Variants in ALMS1 observed in about 807,000 individuals in gnomAD.
ALMS1 encodes ALMS1 centrosome and basal body associated protein.
A neutral mutation model predicts 352.2 loss-of-function variants in ALMS1; 271 were observed. The observed-to-expected ratio is 0.77, with a 90% CI of 0.70 to 0.85. The LOEUF (loss-of-function observed/expected upper bound fraction) is 0.85, where lower values mean the gene tolerates loss of function less well. Among genes scored for constraint, ALMS1 ranks in the 40% least tolerant of loss-of-function variants. The pLI is 0.00. For synonymous variants in ALMS1, 1,865 were observed against 1,761.2 expected, an observed-to-expected ratio of 1.06 and a Z score of -1.48; for missense variants, 5,445 against 4,870.7, an observed-to-expected ratio of 1.12 and a Z score of -3.51.
At chr2:73,465,737 C>T (rs890439636) in intron 9 of ALMS1, among the ~76,000 whole-genome samples, 2 of 151,798 alleles carry the variant, frequency 1.3e-5, no homozygotes, top group South Asian at 2.1e-4. Flanking sequence ...GCAACCTACT[C>T]ATCTGACAAA....
chr2:73,606,757 G>A (rs1309245431), intron 21 of ALMS1, among the ~76,000 whole-genome samples: 1 of 152,142 alleles, frequency 6.6e-6, no homozygotes, highest in Non-Finnish European at 1.5e-5. Flanking sequence ...GGTCACAGCT[G>A]GAGTTAGAGC....
At chr2:73,479,257 A>G (rs1018494246) in intron 9 of ALMS1, among the ~76,000 whole-genome samples, 2 of 152,230 alleles carry the variant, frequency 1.3e-5, no homozygotes, top group African/African-American at 4.8e-5. Flanking sequence ...AACATCTTGC[A>G]TAACTGTGGT....
Position 73,451,239 on chromosome 2 carries a change from A to T in ALMS1, c.4712A>T (p.Tyr1571Phe). The change falls in exon 8 of 23, where the codon TAC becomes TTC. Residue 1571 changes from tyrosine to phenylalanine, a missense_variant. By Grantham distance (22) the Tyr-to-Phe change is conservative. Coordinates refer to ENST00000613296, the MANE Select transcript of ALMS1 (RefSeq NM_001378454.1). ...TGIPTITSTS[Y>F]SFGEKPIVNY... ...ATACCAACCATAACCTCTACTTCCT[A>T]CTCATTTGGAGAGAAGCCGATTGTT... is the stretch of plus-strand genomic sequence containing the variant. 1 of 1,608,230 alleles carries T rather than the reference A, an allele frequency of 6.2e-7. No individual in the cohort carries two copies. Among genetic ancestry groups the T allele is most frequent in the Non-Finnish European group, 8.5e-7 (1 of 1,178,412 alleles).
intron 10 of ALMS1, among the ~76,000 whole-genome samples, chr2:73,517,298 C>T (rs1673580952): frequency 1.6e-5 from 2 of 128,140 alleles, no homozygotes. Context: ...GTTACCCAGG[C>T]TCTGGAGTAC....
At chr2:73,584,793 C>T (rs1051042434) in intron 16 of ALMS1, among the ~76,000 whole-genome samples, 1 of 149,444 alleles carries the variant, frequency 6.7e-6, no homozygotes, top group Non-Finnish European at 1.5e-5. Context: ...TCCCACCCTT[C>T]CCCCCTAAGT....
At chr2:73,481,489 A>G (rs892562098) in intron 9 of ALMS1, among the ~76,000 whole-genome samples, 6,516 of 151,956 alleles carry the variant, frequency 0.043, 349 homozygotes, top group African/African-American at 0.1. Flanking sequence ...GCCTTGTAGT[A>G]TAGTTTGAAG....
At chr2:73,447,400 A>C (rs1671829167) in intron 7 of ALMS1, among the ~76,000 whole-genome samples, 1 of 151,820 alleles carries the variant, frequency 6.6e-6, no homozygotes, top group Non-Finnish European at 1.5e-5. Context: ...TATGTACTTA[A>C]ATATATATAT....
At chr2:73,519,123 A>G (rs1455280151) in intron 10 of ALMS1, among the ~76,000 whole-genome samples, 1 of 151,964 alleles carries the variant, frequency 6.6e-6, no homozygotes, top group Non-Finnish European at 1.5e-5. Flanking sequence ...ATAAGTTACT[A>G]TTTCTTCCTT....
chr2:73,413,924 T>C (rs1671128572), intron 2 of ALMS1, among the ~76,000 whole-genome samples: 1 of 152,210 alleles, frequency 6.6e-6, no homozygotes. Flanking sequence ...TATTACACTC[T>C]TAATAACTGT....
intron 7 of ALMS1, among the ~76,000 whole-genome samples, chr2:73,444,527 A>G (rs1023954852): frequency 4.6e-5 from 7 of 152,242 alleles, no homozygotes; most frequent in Non-Finnish European, 5.9e-5. Flanking sequence ...ACTTAGTGAT[A>G]GCAACAACAA....
chr2:73,441,102 T>C (rs536380916), intron 7 of ALMS1, among the ~76,000 whole-genome samples: 3 of 152,324 alleles, frequency 2.0e-5, no homozygotes, highest in Admixed American at 1.3e-4. Flanking sequence ...GGCCTGCCCC[T>C]GGACCAACTG....
chr2:73,536,442 G>A (rs1414415508), intron 12 of ALMS1, among the ~76,000 whole-genome samples: 1 of 152,072 alleles, frequency 6.6e-6, no homozygotes. Flanking sequence ...GTATGCATCA[G>A]TACGACAAAA....
intron 15 of ALMS1, among the ~76,000 whole-genome samples, chr2:73,570,555 G>C (rs1278828329): frequency 6.6e-6 from 1 of 152,148 alleles, no homozygotes; most frequent in Admixed American, 6.5e-5. Context: ...GCTATGAAGA[G>C]GAGCAGAGAA....
Position 73,602,341 on chromosome 2 carries a change from A to G in ALMS1, c.12271A>G (p.Asn4091Asp). ...TGACAGGGAACGGCAGGGCCACCAG[A>G]ATCGCATGTGCCCGCTGCCCAAGAG... ...NIDRERQGHQ[N>D]RMCPLPKRVF... Residue 4091 changes from asparagine to aspartate, a missense_variant, in exon 20 of 23, where the codon AAT becomes GAT. Physicochemically the swap from Asn to Asp is conservative, Grantham distance 23. Transcript: ENST00000613296. 3.1e-6 allele frequency: 5 copies of G among 1,614,164 alleles called. No homozygotes were observed. The highest frequency in any genetic ancestry group is 4.2e-6 in the Non-Finnish European group (5 of 1,180,024).
chr2:73,543,558 C>G (rs1038221271), intron 12 of ALMS1, among the ~76,000 whole-genome samples: 2 of 152,148 alleles, frequency 1.3e-5, no homozygotes, highest in Non-Finnish European at 2.9e-5. Context: ...GTAAAAGAAA[C>G]TACCATCAGA....
chr2:73,421,441 G>C (rs918926966), intron 3 of ALMS1, among the ~76,000 whole-genome samples: 1 of 152,156 alleles, frequency 6.6e-6, no homozygotes, highest in Non-Finnish European at 1.5e-5. Flanking sequence ...TTTTAGAGGG[G>C]TGAAGGACTG....
At chr2:73,597,966 A>G (rs1025006726) in intron 16 of ALMS1, among the ~76,000 whole-genome samples, 1 of 152,196 alleles carries the variant, frequency 6.6e-6, no homozygotes, top group African/African-American at 2.4e-5. Context: ...TCCATATCTA[A>G]GACATTTATG....
chr2:73,451,531 G>A lies in ALMS1; in HGVS notation c.5004G>A (p.Arg1668=), dbSNP rs1432669722. The change falls in exon 8 of 23, where the codon AGG becomes AGA. Residue 1668 remains arginine (R), a synonymous_variant. Coordinates refer to ENST00000613296, the MANE Select transcript of ALMS1 (RefSeq NM_001378454.1). The part of the protein sequence containing the change: ...LPVHSTSYSN[R]GKPVIFYQQT... ...TACATTCTACTAGCTACTCAAATAG[G>A]GGGAAGCCTGTCATTTTCTACCAGC... The A allele has an allele frequency of 6.2e-7, 1 of 1,612,702 alleles. No individual in the cohort carries two copies. Among genetic ancestry groups the A allele is most frequent in the Admixed American group, 1.7e-5 (1 of 59,894 alleles).
chr2:73,516,723 T>C (rs1438434742), intron 10 of ALMS1, among the ~76,000 whole-genome samples: 1 of 152,204 alleles, frequency 6.6e-6, no homozygotes, highest in African/African-American at 2.4e-5. Context: ...AGTTAAACTT[T>C]CTCAAGGGAA....
Sources: gnomAD v4.1 joint callset for allele counts (sites outside exome capture counted in the v4.1 genomes callset) on GRCh38, gnomAD v4.1.1 for gene constraint, MANE v1.5 for transcripts, NCBI Gene and HGNC (gene_info 2026-07-23, HGNC 2026-07-21) for gene names.